The following DUSP14 variants were observed in gnomAD, a reference collection of about 807,000 sequenced individuals.
DUSP14 encodes dual specificity protein phosphatase 14.
DUSP14 carries 5 observed loss-of-function variants against 13.2 expected under a neutral mutation model. That is an observed-to-expected ratio of 0.38 (90% CI 0.20 to 0.80). The LOEUF (loss-of-function observed/expected upper bound fraction) is 0.80, where lower values mean the gene tolerates loss of function less well. DUSP14 is among the 30% of genes least tolerant of loss of function. DUSP14 has a pLI of 0.44. For synonymous variants in DUSP14, 91 were observed against 103.4 expected (o/e 0.88, Z 0.73); for missense variants, 185 against 264.0 (o/e 0.70, Z 2.07).
In DUSP14 at chr17:37,512,352, T is replaced by C. The variant is rs1374247878; in HGVS notation, c.80T>C (p.Ile27Thr). Residue 27 changes from isoleucine (I) to threonine (T), a missense_variant, in exon 3 of 3, where the codon ATT (isoleucine) becomes ACT (threonine). By Grantham distance (89) the Ile-to-Thr change is moderately conservative. Coordinates refer to ENST00000617516, the MANE Select transcript of DUSP14 (RefSeq NM_007026.4). This position sits in a 1 kb window ranked among gnomAD's most constrained non-coding sequence, Gnocchi z 4.8. ...ATTTCCGAGGGAGACATAGGAGGCA[T>C]TGCTCAAATCACCTCCTCTCTATTC... ...RMISEGDIGG[I>T]AQITSSLFLG... The C allele has an allele frequency of 4.3e-6, 7 of 1,614,096 alleles. No homozygotes were observed. Among genetic ancestry groups the C allele is most frequent in the Non-Finnish European group, 5.9e-6 (7 of 1,179,988 alleles).
chr17:37,513,184 C>T lies in DUSP14; in HGVS notation c.*315C>T, dbSNP rs2054208509. The T allele has an allele frequency of 2.9e-6, 1 of 345,436 alleles. No individual in the cohort carries two copies. Among genetic ancestry groups the T allele is most frequent in the Non-Finnish European group, 5.5e-6 (1 of 180,674 alleles). 21.4% of individuals were successfully genotyped at this position (345,436 alleles called of 1,614,324 possible). On this transcript the variant is annotated 3_prime_UTR_variant, in exon 3 of 3. Coordinates refer to ENST00000617516, the MANE Select transcript of DUSP14 (RefSeq NM_007026.4). ...CTTCTGAATCTCATGCCTTTGGCAC[C>T]TTGGTAGGTGCAGGAGGAGCTCAGT...
chr17:37,498,312 ATCTTTTTTTTTT>A (rs1201640559), intron 1 of DUSP14, among the ~76,000 whole-genome samples: 1 of 103,250 alleles, frequency 9.7e-6, no homozygotes. Flanking sequence ...ACTAGATTGT[ATCTTTTTTTTTT>A]TTTTTTTTTT....
chr17:37,498,485 C>T (rs2054081940), intron 1 of DUSP14, among the ~76,000 whole-genome samples: 4 of 151,950 alleles, frequency 2.6e-5, no homozygotes, highest in Admixed American at 2.0e-4. Context: ...CGCCACCACA[C>T]CTGGCTAATT....
chr17:37,496,578 A>G (rs2054066646), intron 1 of DUSP14, among the ~76,000 whole-genome samples: 1 of 152,164 alleles, frequency 6.6e-6, no homozygotes, highest in African/African-American at 2.4e-5. Context: ...ACATAGTGAA[A>G]CCCCGTCTCT....
chr17:37,490,266 T>A (rs1000672338), intron 1 of DUSP14, among the ~76,000 whole-genome samples: 1 of 151,820 alleles, frequency 6.6e-6, no homozygotes, highest in Non-Finnish European at 1.5e-5. Context: ...GCCCCGGGGC[T>A]CCAGCAGCCT....
chr17:37,499,632 C>T (rs1053209282), intron 1 of DUSP14, among the ~76,000 whole-genome samples: 6 of 152,108 alleles, frequency 3.9e-5, no homozygotes, highest in African/African-American at 1.4e-4. Context: ...CGGGTTCAAG[C>T]GATTCTCCTG....
chr17:37,509,790 G>A (rs1350114449), intron 1 of DUSP14: 6 of 151,954 alleles, frequency 3.9e-5, no homozygotes, highest in African/African-American at 7.3e-5. Context: ...TGATGGATGT[G>A]TTTATTATTA....
At chr17:37,495,599 C>T (rs1328290520) in intron 1 of DUSP14, among the ~76,000 whole-genome samples, 1 of 152,136 alleles carries the variant, frequency 6.6e-6, no homozygotes, top group African/African-American at 2.4e-5. Flanking sequence ...TTCAAAGCAC[C>T]AGCCTTCCCT....
At chr17:37,501,313 T>TATAC (rs991920136) in intron 1 of DUSP14, among the ~76,000 whole-genome samples, 1 of 152,208 alleles carries the variant, frequency 6.6e-6, no homozygotes, top group Admixed American at 6.5e-5. Context: ...AAAAACTGTG[T>TATAC]ATACAGATCA....
intron 1 of DUSP14, among the ~76,000 whole-genome samples, chr17:37,498,830 C>T (rs549621183): frequency 2.0e-5 from 3 of 152,154 alleles, no homozygotes; most frequent in African/African-American, 7.2e-5. Context: ...AATGTGAATT[C>T]CCAGGCCTTC....
intron 1 of DUSP14, chr17:37,510,006 TA>T (rs1444297597): frequency 6.6e-6 from 1 of 152,114 alleles, no homozygotes; most frequent in Non-Finnish European, 1.5e-5. Context: ...TTACATAACA[TA>T]AATGAATAAA....
At chr17:37,500,458 G>T (rs2143079564) in intron 1 of DUSP14, among the ~76,000 whole-genome samples, 1 of 152,286 alleles carries the variant, frequency 6.6e-6, no homozygotes, top group East Asian at 1.9e-4. Context: ...TGTAAGGACT[G>T]AAATCTTATT....
upstream of DUSP14, among the ~76,000 whole-genome samples, chr17:37,489,678 G>T (rs1301172333): frequency 1.3e-5 from 2 of 151,778 alleles, no homozygotes; most frequent in Non-Finnish European, 2.9e-5. Flanking sequence ...TCTAGGGGAG[G>T]CTGCTGCCTC....
In DUSP14 at chr17:37,512,973, C is replaced by A. The variant is rs145907083; in HGVS notation, c.*104C>A. On this transcript the variant is annotated 3_prime_UTR_variant, in exon 3 of 3. Coordinates refer to ENST00000617516, the MANE Select transcript of DUSP14 (RefSeq NM_007026.4). This position sits in a 1 kb window ranked among gnomAD's most constrained non-coding sequence, Gnocchi z 4.8. ...TCAAATGGCTGACTTCTGGTTCTCC[C>A]TCAAGTGTTTTTTACACTGGGTGTT... The A allele has an allele frequency of 2.4e-4, 248 of 1,023,772 alleles. No homozygotes were observed. In the East Asian group the frequency reaches 5.4e-3, roughly 22 times the overall value. The allele number at this position is 1,023,772 out of a possible 1,614,324, so 63.4% of individuals were successfully genotyped here. A position where few individuals can be genotyped will look rare whatever the true frequency, so the allele number is the denominator to read the frequency against.
chr17:37,503,698 A>G (rs541497825), intron 1 of DUSP14, among the ~76,000 whole-genome samples: 1 of 152,348 alleles, frequency 6.6e-6, no homozygotes, highest in East Asian at 1.9e-4. Flanking sequence ...TCCACCTTTT[A>G]TAGTTATTGA....
rs1597975972 is a variant in DUSP14, at chr17:37,512,107, A to G, written c.-92-74A>G. 1.7e-6 allele frequency: 1 copy of G among 596,774 alleles called. No individual in the cohort carries two copies. Among genetic ancestry groups the G allele is most frequent in the Non-Finnish European group, 2.9e-6 (1 of 342,146 alleles). 37.0% of individuals were successfully genotyped at this position (596,774 alleles called of 1,614,324 possible). On this transcript the variant is annotated intron_variant, in intron 2 of 2. Coordinates refer to ENST00000617516, the MANE Select transcript of DUSP14 (RefSeq NM_007026.4). This position sits in a 1 kb window ranked among gnomAD's most constrained non-coding sequence, Gnocchi z 4.8. ...TAAAAAAAAACCCTCTAATCTTCCC[A>G]TTTGACAAATGTGACAGAAGGCTGT... is the stretch of plus-strand genomic sequence containing the variant.
chr17:37,499,087 C>T (rs1206046140), intron 1 of DUSP14, among the ~76,000 whole-genome samples: 3 of 152,166 alleles, frequency 2.0e-5, no homozygotes, highest in Middle Eastern at 3.2e-3. Flanking sequence ...TTAATTGACT[C>T]GCTGTTCCAC....
At chr17:37,493,077 A>G (rs1393655161) in intron 1 of DUSP14, among the ~76,000 whole-genome samples, 2 of 152,064 alleles carry the variant, frequency 1.3e-5, no homozygotes, top group African/African-American at 4.8e-5. Context: ...AAATTTCTGC[A>G]GCATGCTATT....
intron 1 of DUSP14, 133 bp downstream of exon 1, chr17:37,490,091 CTT>C (rs1219878805): frequency 4.6e-5 from 7 of 151,780 alleles, no homozygotes; most frequent in African/African-American, 1.5e-4. Context: ...CCTCTGGAAA[CTT>C]TGTGCCGGCG....
Sources: gnomAD v4.1 joint callset for allele counts (sites outside exome capture counted in the v4.1 genomes callset) on GRCh38, gnomAD v4.1.1 for gene constraint, Gnocchi (gnomAD v3.1) non-coding constraint, MANE v1.5 for transcripts, NCBI Gene and HGNC (gene_info 2026-07-23, HGNC 2026-07-21) for gene names.